Variants in MAP1A observed in about 807,000 individuals in gnomAD.
The protein encoded by MAP1A is microtubule-associated protein 1A.
In MAP1A, 42 loss-of-function variants were observed where a neutral mutation model predicts 185.9. That is an observed-to-expected ratio of 0.23 (90% CI 0.18 to 0.29). MAP1A has a LOEUF of 0.29. Among genes scored for constraint, MAP1A ranks in the 10% least tolerant of loss-of-function variants. The probability of loss-of-function intolerance (pLI) is 1.00; values close to 1 mark genes in which losing one functional copy is unlikely to be tolerated. For synonymous variants in MAP1A, 1,229 were observed against 1,335.9 expected (o/e 0.92, Z 1.74); for missense variants, 2,995 against 3,450.4 (o/e 0.87, Z 3.31).
chr15:43,527,285 A>G lies in MAP1A; in HGVS notation c.5812A>G (p.Ser1938Gly). 6 of 1,614,182 alleles carry G rather than the reference A, an allele frequency of 3.7e-6. No individual in the cohort carries two copies. Among genetic ancestry groups the G allele is most frequent in the Non-Finnish European group, 5.1e-6 (6 of 1,179,996 alleles). Residue 1938 changes from serine to glycine, a missense_variant, in exon 4 of 6, where the codon AGC becomes GGC. By Grantham distance (56) the Ser-to-Gly change is moderately conservative (BLOSUM62 0). Around this residue, in one of 3 missense-constraint regions of MAP1A, gnomAD observed 2,728 missense variants for 2,986.0 expected, o/e 0.91. Coordinates refer to ENST00000300231, the MANE Select transcript of MAP1A (RefSeq NM_002373.6). ...ACACAGCTCAAAGGTACCAGAGGCCAGCAAAAGCCATGCCACCACGGAGCC... is the reference window on the plus strand; with the variant it reads ...ACACAGCTCAAAGGTACCAGAGGCCGGCAAAAGCCATGCCACCACGGAGCC... ...SSHSSKVPEA[S>G]KSHATTEPEQ...
In MAP1A at chr15:43,525,794, A is replaced by G; in HGVS notation, c.4321A>G (p.Lys1441Glu). 1 of 1,614,096 alleles carries G rather than the reference A, an allele frequency of 6.2e-7. No homozygotes were observed. Among genetic ancestry groups the G allele is most frequent in the Non-Finnish European group, 8.5e-7 (1 of 1,180,028 alleles). The change falls in exon 4 of 6, where the codon AAG becomes GAG. Residue 1441 changes from lysine (K) to glutamate (E), a missense_variant. Lys to Glu is a moderately conservative substitution (Grantham distance 56, BLOSUM62 1). Coordinates refer to ENST00000300231, the MANE Select transcript of MAP1A (RefSeq NM_002373.6). ...AGACAAAGACTTAGAAGAAAAAGAC[A>G]AGGCCCTGGAACAGAAGGATAAGAT... The part of the protein sequence containing the change: ...PKDKDLEEKD[K>E]ALEQKDKIPE...
rs200830451 is a variant in MAP1A, at chr15:43,525,668, G to A, written c.4195G>A (p.Glu1399Lys). 1,198 of 1,613,992 alleles carry A rather than the reference G, an allele frequency of 7.4e-4. 3 individuals are homozygous for A. The highest frequency in any genetic ancestry group is 9.5e-4 in the Non-Finnish European group (1,126 of 1,180,028). ...AGATGAGGCTCTGCATGTAAAGAATGAGGCTGTGAAACAGCAGGATAAGGC... is the reference window on the plus strand; with the variant it reads ...AGATGAGGCTCTGCATGTAAAGAATAAGGCTGTGAAACAGCAGGATAAGGC... ...QKDEALHVKNEAVKQQDKALE... is the reference protein window; with the variant it reads ...QKDEALHVKNKAVKQQDKALE... Residue 1399 changes from glutamate to lysine, a missense_variant, in exon 4 of 6, where the codon GAG becomes AAG. Around this residue, in one of 3 missense-constraint regions of MAP1A, gnomAD observed 2,728 missense variants for 2,986.0 expected, o/e 0.91. Transcript: ENST00000300231.
At position 43,524,681 on chromosome 15, in the gene MAP1A, C is replaced by T; in HGVS notation, c.3208C>T (p.Pro1070Ser). Reference sequence around the variant, plus strand: ...AGAGAAAGTTCCTCCTCCCAGGAGCCCCCAGGCCCAGGAAGCACCTGTCAA... The same window carrying T: ...AGAGAAAGTTCCTCCTCCCAGGAGCTCCCAGGCCCAGGAAGCACCTGTCAA... ...KEEKVPPPRSPQAQEAPVNID... is the reference protein window; with the variant it reads ...KEEKVPPPRSSQAQEAPVNID... Residue 1070 changes from proline to serine, a missense_variant, in exon 4 of 6, where the codon CCC (proline) becomes TCC (serine). Pro to Ser is a moderately conservative substitution (Grantham distance 74, BLOSUM62 -1). Coordinates refer to ENST00000300231, the MANE Select transcript of MAP1A (RefSeq NM_002373.6). 6.2e-7 allele frequency: 1 copy of T among 1,614,148 alleles called. No individual in the cohort carries two copies. The highest frequency in any genetic ancestry group is 8.5e-7 in the Non-Finnish European group (1 of 1,180,008).
In MAP1A at chr15:43,528,915, G is replaced by T. The variant is rs746930541; in HGVS notation, c.7442G>T (p.Arg2481Leu). 1 of 1,612,950 alleles carries T rather than the reference G, an allele frequency of 6.2e-7. No individual in the cohort carries two copies. Among genetic ancestry groups the T allele is most frequent in the Non-Finnish European group, 8.5e-7 (1 of 1,179,904 alleles). ...VRLVGRGGRR[R>L]VGGPGTTGGP... ...CTAGTAGGAAGAGGGGGGCGGCGCC[G>T]GGTAGGGGGGCCAGGGACCACTGGG... The change falls in exon 4 of 6, where the codon CGG becomes CTG. Residue 2481 changes from arginine (R) to leucine (L), a missense_variant. This residue lies in a region of MAP1A where 2,728 missense variants were observed against 2,986.0 expected (regional missense o/e 0.91). Transcript: ENST00000300231.
rs1333010039 is a variant in MAP1A, at chr15:43,523,738, C to A, written c.2265C>A (p.Ile755=). 1 of 1,614,004 alleles carries A rather than the reference C, an allele frequency of 6.2e-7. No homozygotes were observed. Among genetic ancestry groups the A allele is most frequent in the Non-Finnish European group, 8.5e-7 (1 of 1,179,970 alleles). ...AGCAGACCATCTCAGATGAGGAGAT[C>A]CATGATGAGCCGGAGGAGCGCCCAG... ...ETEQTISDEE[I]HDEPEERPAP... The change falls in exon 4 of 6, where the codon ATC becomes ATA. Residue 755 remains isoleucine (I), a synonymous_variant. Transcript: ENST00000300231.
chr15:43,518,055 G>A (rs2079304782), intron 1 of MAP1A, among the ~76,000 whole-genome samples: 2 of 152,170 alleles, frequency 1.3e-5, no homozygotes. Flanking sequence ...AAGAATCTGA[G>A]AGAAAGGGGG....
rs3803335 is a variant in MAP1A at position 43,525,027 on chromosome 15, G to A, written c.3554G>A (p.Arg1185His). 5.1e-4 allele frequency: 817 copies of A among 1,614,112 alleles called. 8 individuals are homozygous for A. The East Asian group carries it at 0.014, about 28-fold the overall frequency. The change falls in exon 4 of 6, where the codon CGT becomes CAT. Residue 1185 changes from arginine (R) to histidine (H), a missense_variant. Coordinates refer to ENST00000300231, the MANE Select transcript of MAP1A (RefSeq NM_002373.6). ...GLTEQYLHKD[R>H]WPEVSPEDTQ... ...ACAGAACAGTACCTACACAAAGACC[G>A]TTGGCCAGAGGTATCTCCAGAAGAC...
chr15:43,529,573 C>T lies in MAP1A; in HGVS notation c.8035+65C>T. The T allele has an allele frequency of 1.2e-6, 2 of 1,603,926 alleles. No homozygotes were observed. The highest frequency in any genetic ancestry group is 1.1e-5 in the South Asian group (1 of 90,476). Reference sequence around the variant, plus strand: ...GGCTGGGTGTGGGCTGGTCAGACTTCAGGAGTGGGACAGAGGGGAAGGTTG... The same window carrying T: ...GGCTGGGTGTGGGCTGGTCAGACTTTAGGAGTGGGACAGAGGGGAAGGTTG... On this transcript the variant is annotated intron_variant, in intron 4 of 5. Transcript: ENST00000300231. The surrounding 1 kb of genome is among the most constrained non-coding windows in gnomAD (Gnocchi z 4.3).
Position 43,521,030 on chromosome 15 carries a change from G to A in MAP1A, c.-233G>A, listed in dbSNP as rs1260705214. 4 of 1,550,344 alleles carry A rather than the reference G, an allele frequency of 2.6e-6. No homozygotes were observed. The highest frequency in any genetic ancestry group is 2.0e-5 in the Admixed American group (1 of 51,004). Reference sequence around the variant, plus strand: ...AAACTACTAATCTTGAGTGGGCAAAGTTTAGAGCCTGGGGGAGACCTCATC... The same window carrying A: ...AAACTACTAATCTTGAGTGGGCAAAATTTAGAGCCTGGGGGAGACCTCATC... On this transcript the variant is annotated 5_prime_UTR_variant, in exon 3 of 6. Coordinates refer to ENST00000300231, the MANE Select transcript of MAP1A (RefSeq NM_002373.6). The surrounding 1 kb of genome is among the most constrained non-coding windows in gnomAD (Gnocchi z 4.6).
Position 43,522,337 on chromosome 15 carries a change from C to G in MAP1A, c.864C>G (p.Phe288Leu). 1 of 1,614,158 alleles carries G rather than the reference C, an allele frequency of 6.2e-7. No homozygotes were observed. The highest frequency in any genetic ancestry group is 8.5e-7 in the Non-Finnish European group (1 of 1,180,020). ...EGLEKLRHLDFLRYPVATQKD... is the reference protein window; with the variant it reads ...EGLEKLRHLDLLRYPVATQKD... Reference sequence around the variant, plus strand: ...TAGAAAAGCTTCGGCATCTGGACTTCCTGCGTTACCCTGTGGCCACGCAGA... The same window carrying G: ...TAGAAAAGCTTCGGCATCTGGACTTGCTGCGTTACCCTGTGGCCACGCAGA... Residue 288 changes from phenylalanine (F) to leucine (L), a missense_variant, in exon 4 of 6, where the codon TTC (phenylalanine) becomes TTG (leucine). Coordinates refer to ENST00000300231, the MANE Select transcript of MAP1A (RefSeq NM_002373.6). This position sits in a 1 kb window ranked among gnomAD's most constrained non-coding sequence, Gnocchi z 5.9.
In MAP1A at chr15:43,529,454, G is replaced by A. The variant is rs1300017480; in HGVS notation, c.7981G>A (p.Asp2661Asn). 6.2e-7 allele frequency: 1 copy of A among 1,613,460 alleles called. No individual in the cohort carries two copies. The highest frequency in any genetic ancestry group is 1.7e-5 in the Admixed American group (1 of 59,992). ...TSQVTPAEEK[D>N]GHSPMSKGLV... ...CCAGGTCACCCCAGCAGAGGAAAAG[G>A]ATGGACACAGCCCCATGTCCAAAGG... The change falls in exon 4 of 6, where the codon GAT (aspartate) becomes AAT (asparagine). Residue 2661 changes from aspartate (D) to asparagine (N), a missense_variant. This residue lies in a region of MAP1A where 2,728 missense variants were observed against 2,986.0 expected (regional missense o/e 0.91). Transcript: ENST00000300231. The surrounding 1 kb of genome is among the most constrained non-coding windows in gnomAD (Gnocchi z 4.3).
Position 43,530,318 on chromosome 15 carries a change from TA to T in MAP1A, c.*95del, listed in dbSNP as rs575786217. The T allele has an allele frequency of 9.2e-5, 138 of 1,492,552 alleles. 2 individuals are homozygous for T. The South Asian group carries it at 1.6e-3, about 18-fold the overall frequency. The allele number at this position is 1,492,552 out of a possible 1,614,324, so 92.5% of individuals were successfully genotyped here. Reference sequence around the variant, plus strand: ...CTTTGGGGTTGAGGGAGATGGGAGCTAGGGGGAGGGGAGGGAGATGTCTTGT... The same window carrying T: ...CTTTGGGGTTGAGGGAGATGGGAGCTGGGGGAGGGGAGGGAGATGTCTTGT... On this transcript the variant is annotated 3_prime_UTR_variant, in exon 6 of 6. Transcript: ENST00000300231.
chr15:43,519,798 C>G (rs913016127), intron 1 of MAP1A, among the ~76,000 whole-genome samples: 2 of 152,206 alleles, frequency 1.3e-5, no homozygotes, highest in Non-Finnish European at 2.9e-5. Flanking sequence ...TGTTCAAGAA[C>G]CTTTCACTCC....
At chr15:43,512,422 C>A (rs1367554061) in intron 2 of MAP1A, 1 of 649,308 alleles carries the variant, frequency 1.5e-6, no homozygotes. Context: ...GGAGGAAAAT[C>A]ATGGAATTCC....
Position 43,523,664 on chromosome 15 carries a change from C to T in MAP1A, c.2191C>T (p.His731Tyr), listed in dbSNP as rs751632186. 16 of 1,613,912 alleles carry T rather than the reference C, an allele frequency of 9.9e-6. No individual in the cohort carries two copies. In the Admixed American group the frequency reaches 2.5e-4, roughly 25 times the overall value. Residue 731 changes from histidine to tyrosine, a missense_variant, in exon 4 of 6, where the codon CAT becomes TAT. By Grantham distance (83) the His-to-Tyr change is moderately conservative. This residue lies in a region of MAP1A where 2,728 missense variants were observed against 2,986.0 expected (regional missense o/e 0.91). Transcript: ENST00000300231. The stretch of plus-strand genomic sequence containing the variant: ...GACCACACCTGCAGGAGCCACTGAG[C>T]ATGTCTCTTACATCCAGGATGAGAC... ...SLTTPAGATEHVSYIQDETIP... is the reference protein window; with the variant it reads ...SLTTPAGATEYVSYIQDETIP...
chr15:43,521,914 T>C lies in MAP1A; in HGVS notation c.441T>C (p.Asp147=). The change falls in exon 4 of 6, where the codon GAT becomes GAC. Residue 147 remains aspartate, a synonymous_variant. Transcript: ENST00000300231. This position sits in a 1 kb window ranked among gnomAD's most constrained non-coding sequence, Gnocchi z 4.6. ...FNVPEKLRLP[D]ASRKAKRSIE... ...TGCCTGAGAAGCTGCGGCTTCCTGATGCCTCCCGGAAAGCCAAGCGTAGCA... is the reference window on the plus strand; with the variant it reads ...TGCCTGAGAAGCTGCGGCTTCCTGACGCCTCCCGGAAAGCCAAGCGTAGCA... The C allele has an allele frequency of 6.2e-7, 1 of 1,614,198 alleles. No individual in the cohort carries two copies. The highest frequency in any genetic ancestry group is 8.5e-7 in the Non-Finnish European group (1 of 1,180,018).
In MAP1A at chr15:43,522,238, A is replaced by G. The variant is rs759202922; in HGVS notation, c.765A>G (p.Pro255=). 20 of 1,614,132 alleles carry G rather than the reference A, an allele frequency of 1.2e-5. No individual in the cohort carries two copies. Among genetic ancestry groups the G allele is most frequent in the Non-Finnish European group, 1.6e-5 (19 of 1,180,042 alleles). ...TCACTGCTCTGGTGGTCTGGCTACC[A>G]GCCAATCCCACTGAGAAGATTGTGC... is the stretch of plus-strand genomic sequence containing the variant. ...TSITALVVWL[P]ANPTEKIVRV... Residue 255 remains proline (P), a synonymous_variant, in exon 4 of 6, where the codon CCA becomes CCG. Coordinates refer to ENST00000300231, the MANE Select transcript of MAP1A (RefSeq NM_002373.6). This position sits in a 1 kb window ranked among gnomAD's most constrained non-coding sequence, Gnocchi z 5.9.
intron 1 of MAP1A, 69 bp from the exon 2 acceptor site, chr15:43,520,572 A>G: frequency 9.5e-7 from 1 of 1,049,286 alleles, no homozygotes; most frequent in Non-Finnish European, 1.4e-6. Flanking sequence ...CTGATAGCAC[A>G]TTCTTTCCTC....
rs761441961 is a variant in MAP1A, at chr15:43,528,616, G to C, written c.7143G>C (p.Glu2381Asp). Reference protein sequence around the residue: ...GPAPAKAENEEAAACPAWERG... With the variant: ...GPAPAKAENEDAAACPAWERG... ...CCCCAGCCAAGGCTGAAAATGAAGA[G>C]GCTGCGGCTTGCCCTGCCTGGGAAC... The change falls in exon 4 of 6, where the codon GAG becomes GAC. Residue 2381 changes from glutamate to aspartate, a missense_variant. Physicochemically the swap from Glu to Asp is conservative, Grantham distance 45. This residue lies in a region of MAP1A where 2,728 missense variants were observed against 2,986.0 expected (regional missense o/e 0.91). Transcript: ENST00000300231. 6.2e-7 allele frequency: 1 copy of C among 1,614,004 alleles called. No individual in the cohort carries two copies. The highest frequency in any genetic ancestry group is 8.5e-7 in the Non-Finnish European group (1 of 1,179,992).
Sources: allele counts gnomAD v4.1 joint callset (sites outside exome capture counted in the v4.1 genomes callset), GRCh38; gene constraint gnomAD v4.1.1; regional missense constraint gnomAD v4.1.1; non-coding constraint Gnocchi (gnomAD v3.1); transcripts MANE v1.5; gene names NCBI Gene and HGNC (gene_info 2026-07-23, HGNC 2026-07-21).